WDR37: variants seen among roughly 807,000 people sequenced by gnomAD.
WDR37 encodes WD repeat domain 37, also known as WD repeat-containing protein 37.
WDR37 carries 19 observed loss-of-function variants against 62.9 expected under a neutral mutation model. The observed-to-expected ratio is 0.30, with a 90% CI of 0.21 to 0.44. The LOEUF (loss-of-function observed/expected upper bound fraction) is 0.44, where lower values mean the gene tolerates loss of function less well. WDR37 is among the 20% of genes least tolerant of loss of function. The pLI, the probability that WDR37 is intolerant of heterozygous loss-of-function variation, is 1.00. For synonymous variants in WDR37, 250 were observed against 260.9 expected (o/e 0.96, Z 0.40); for missense variants, 474 against 657.6 (o/e 0.72, Z 3.05).
intron 5 of WDR37, among the ~76,000 whole-genome samples, chr10:1,083,009 CGGT>C (rs1378181515): frequency 6.6e-6 from 1 of 152,090 alleles, no homozygotes; most frequent in Non-Finnish European, 1.5e-5. Context: ...TACTACAATA[CGGT>C]TATTAATGTT....
intron 1 of WDR37, among the ~76,000 whole-genome samples, chr10:1,069,131 C>T (rs781335454): frequency 3.9e-5 from 6 of 151,902 alleles, no homozygotes; most frequent in African/African-American, 9.7e-5. Context: ...TGGTAATGAT[C>T]GCACAACTTC....
At chr10:1,072,021 A>C (rs1833746824) in intron 1 of WDR37, 95 bp from the exon 2 acceptor site, 1 of 960,092 alleles carries the variant, frequency 1.0e-6, no homozygotes, top group African/African-American at 1.7e-5. Flanking sequence ...ATAGTAAGGA[A>C]GCTTGTAATT....
At chr10:1,090,718 G>A (rs1201809417) in intron 7 of WDR37, among the ~76,000 whole-genome samples, 2 of 152,214 alleles carry the variant, frequency 1.3e-5, no homozygotes, top group African/African-American at 4.8e-5. Flanking sequence ...AGAGGTTGTT[G>A]TCCCCTTTGT....
chr10:1,072,610 G>A (rs972025690), intron 2 of WDR37, among the ~76,000 whole-genome samples: 6 of 152,084 alleles, frequency 3.9e-5, no homozygotes, highest in African/African-American at 1.2e-4. Context: ...CACCGGCCCC[G>A]GGATCAAGGC....
At chr10:1,080,556 A>G (rs766405667) in intron 5 of WDR37, 80 bp downstream of exon 5, 2 of 1,470,926 alleles carry the variant, frequency 1.4e-6, no homozygotes, top group Non-Finnish European at 1.9e-6. Context: ...TTATTTTCCA[A>G]TTAGAAAGGC....
Position 1,089,720 on chromosome 10 carries a change from A to G in WDR37, c.604+3363A>G, listed in dbSNP as rs137875771. On this transcript the variant is annotated intron_variant, in intron 7 of 13. Coordinates refer to ENST00000263150, the MANE Select transcript of WDR37 (RefSeq NM_014023.4). Reference sequence around the variant, plus strand: ...GCCTTCCCGTGCTCACCCGCAATTCAACCTTCCTGTGTTCACTCACTCACC... The same window carrying G: ...GCCTTCCCGTGCTCACCCGCAATTCGACCTTCCTGTGTTCACTCACTCACC... Among the ~76,000 whole-genome samples the G allele has an allele frequency of 2.7e-4, 29 of 106,150 alleles. 1 individual carries two copies. Among genetic ancestry groups the G allele is most frequent in the Admixed American group, 7.2e-4 (7 of 9,752 alleles). The allele number at this position is 106,150 out of a possible 152,430, so 69.6% of individuals were successfully genotyped here. A position where few individuals can be genotyped will look rare whatever the true frequency, so the allele number is the denominator to read the frequency against.
intron 7 of WDR37, 30 bp downstream of exon 7, chr10:1,086,387 A>G: frequency 6.3e-7 from 1 of 1,588,388 alleles, no homozygotes; most frequent in Non-Finnish European, 8.6e-7. Context: ...TGCCGTAGCC[A>G]GAGGCCGTTG....
chr10:1,106,002 G>T (rs1835002132), intron 11 of WDR37, among the ~76,000 whole-genome samples: 1 of 152,018 alleles, frequency 6.6e-6, no homozygotes, highest in Non-Finnish European at 1.5e-5. Flanking sequence ...AGCCAGGATG[G>T]TCTCGATCTC....
intron 5 of WDR37, among the ~76,000 whole-genome samples, chr10:1,083,043 A>G (rs910613371): frequency 6.6e-6 from 1 of 152,220 alleles, no homozygotes; most frequent in African/African-American, 2.4e-5. Flanking sequence ...AGAGACTTGG[A>G]AAGTGAAATT....
chr10:1,110,529 A>G (rs1457306238), intron 11 of WDR37, among the ~76,000 whole-genome samples: 1 of 152,150 alleles, frequency 6.6e-6, no homozygotes, highest in South Asian at 2.1e-4. Flanking sequence ...ACAGCACACC[A>G]GGGTGAGGGC....
At chr10:1,077,256 A>G (rs1589085945) in intron 2 of WDR37, among the ~76,000 whole-genome samples, 1 of 152,222 alleles carries the variant, frequency 6.6e-6, no homozygotes, top group Admixed American at 6.5e-5. Context: ...TTGACAATGT[A>G]GCTCCTTCCC....
rs1833757352 is a variant in WDR37 at position 1,072,399 on chromosome 10, C to T, written c.138+106C>T. The T allele has an allele frequency of 2.7e-6, 4 of 1,462,064 alleles. No individual in the cohort carries two copies. In the African/African-American group the frequency reaches 5.6e-5, roughly 21 times the overall value. The allele number at this position is 1,462,064 out of a possible 1,614,324, so 90.6% of individuals were successfully genotyped here. On this transcript the variant is annotated intron_variant, in intron 2 of 13. Transcript: ENST00000263150. ...ATGGTGCGATCTCCGCTCACAACCT[C>T]CACCTCCTGGGTGGAAGTGATTCTC...
At chr10:1,093,525 A>C in intron 8 of WDR37, 29 bp downstream of exon 8, 1 of 1,563,710 alleles carries the variant, frequency 6.4e-7, no homozygotes, top group Non-Finnish European at 8.8e-7. Flanking sequence ...TTATTGAACA[A>C]AATGATAGAT....
chr10:1,102,092 C>T (rs1834831416), intron 9 of WDR37, among the ~76,000 whole-genome samples: 1 of 139,084 alleles, frequency 7.2e-6, no homozygotes, highest in Non-Finnish European at 1.5e-5. Flanking sequence ...TGCTGCCGTG[C>T]GTCCCTGTGA....
In WDR37 at chr10:1,132,246, T is replaced by C. The variant is rs1835962188; in HGVS notation, c.*2902T>C. ...TTTGGTGAAACATTGTGAATGACTA[T>C]ATAAACATCACGATGAGCTAGAAAT... On this transcript the variant is annotated 3_prime_UTR_variant, in exon 14 of 14. Transcript: ENST00000263150. 6.6e-6 allele frequency: 1 copy of C among 152,234 alleles called. No homozygotes were observed. Among genetic ancestry groups the C allele is most frequent in the Admixed American group, 6.5e-5 (1 of 15,290 alleles). The allele number at this position is 152,234 out of a possible 1,614,324, so 9.4% of individuals were successfully genotyped here. A position where few individuals can be genotyped will look rare whatever the true frequency, so the allele number is the denominator to read the frequency against.
In WDR37 at chr10:1,058,747, C is replaced by T. The variant is rs1833279258; in HGVS notation, c.-41+1779C>T. Reference sequence around the variant, plus strand: ...GGTTGCCTGTAGAGACCATTCTCTTCCTCGATATTGCTCAGAAGTTGAATT... The same window carrying T: ...GGTTGCCTGTAGAGACCATTCTCTTTCTCGATATTGCTCAGAAGTTGAATT... On this transcript the variant is annotated intron_variant, in intron 1 of 13. Transcript: ENST00000263150. Among the ~76,000 whole-genome samples the T allele has an allele frequency of 2.0e-5, 3 of 152,190 alleles. No individual in the cohort carries two copies. The South Asian group carries it at 6.2e-4, about 31-fold the overall frequency.
At chr10:1,108,049 C>T (rs1835079429) in intron 11 of WDR37, among the ~76,000 whole-genome samples, 1 of 152,220 alleles carries the variant, frequency 6.6e-6, no homozygotes, top group Non-Finnish European at 1.5e-5. Context: ...TGTATATTTT[C>T]TTTGGCTGAG....
At chr10:1,085,217 C>T (rs1834163716) in intron 6 of WDR37, among the ~76,000 whole-genome samples, 1 of 152,132 alleles carries the variant, frequency 6.6e-6, no homozygotes, top group South Asian at 2.1e-4. Context: ...TGTGATCTGC[C>T]TGCCTTGGGC....
chr10:1,100,378 G>A (rs569049375), intron 9 of WDR37, among the ~76,000 whole-genome samples: 1 of 152,302 alleles, frequency 6.6e-6, no homozygotes, highest in South Asian at 2.1e-4. Flanking sequence ...TGGCGTGGGA[G>A]GCTCCTTCCA....
Sources: allele counts gnomAD v4.1 joint callset (sites outside exome capture counted in the v4.1 genomes callset), GRCh38; gene constraint gnomAD v4.1.1; transcripts MANE v1.5; gene names NCBI Gene and HGNC (gene_info 2026-07-23, HGNC 2026-07-21).